Variants in ASPH observed in about 807,000 individuals in gnomAD.
The protein encoded by ASPH is aspartate beta-hydroxylase.
ASPH carries 100 observed loss-of-function variants against 118.4 expected under a neutral mutation model. The observed-to-expected ratio is 0.84, with a 90% CI of 0.72 to 1.00. ASPH has a LOEUF of 1.00. Ranked by LOEUF, ASPH falls within the 50% of genes least tolerant of loss-of-function variation. The pLI is 0.00. For missense variants in ASPH, 920 were observed against 919.5 expected, an observed-to-expected ratio of 1.00 and a Z score of -0.01; for synonymous variants, 315 against 325.6, an observed-to-expected ratio of 0.97 and a Z score of 0.35.
chr8:61,714,386 G>A lies in ASPH; in HGVS notation c.-15C>T. The A allele has an allele frequency of 6.8e-7, 1 of 1,480,652 alleles. No homozygotes were observed. Among genetic ancestry groups the A allele is most frequent in the Non-Finnish European group, 9.0e-7 (1 of 1,112,906 alleles). The allele number at this position is 1,480,652 out of a possible 1,614,324, so 91.7% of individuals were successfully genotyped here. ...CGCTGGGCCATTGCACGGTCCGCGG[G>A]GGCTGGTGAGGGCTGGCGGACCTCC... On this transcript the variant is annotated 5_prime_UTR_variant, in exon 1 of 25. Transcript: ENST00000379454.
At chr8:61,696,704 G>A (rs1834004748) in intron 1 of ASPH, among the ~76,000 whole-genome samples, 1 of 152,048 alleles carries the variant, frequency 6.6e-6, no homozygotes, top group Admixed American at 6.6e-5. Context: ...TGTCCACATG[G>A]GTGGGTGATA....
intron 10 of ASPH, among the ~76,000 whole-genome samples, chr8:61,640,758 A>G (rs1355220789): frequency 1.3e-5 from 2 of 152,242 alleles, no homozygotes; most frequent in East Asian, 3.8e-4. Flanking sequence ...GACACTAAAC[A>G]GTGTATGAAT....
chr8:61,639,637 G>A (rs1482729406), intron 10 of ASPH, among the ~76,000 whole-genome samples: 1 of 152,042 alleles, frequency 6.6e-6, no homozygotes, highest in African/African-American at 2.4e-5. Context: ...TCTCCTTAAG[G>A]GATCTCAGAG....
intron 13 of ASPH, chr8:61,633,152 G>C (rs13248720): frequency 0.14 from 22,273 of 154,594 alleles, 1,643 homozygotes; most frequent in African/African-American, 0.19. Context: ...GAGGGCTCAG[G>C]TAGAGGAAAG....
At chr8:61,597,778 A>G (rs528453208) in intron 14 of ASPH, among the ~76,000 whole-genome samples, 12 of 152,378 alleles carry the variant, frequency 7.9e-5, no homozygotes, top group South Asian at 2.1e-4. Flanking sequence ...TACCAGATCC[A>G]GCAAAGCTAT....
intron 21 of ASPH, among the ~76,000 whole-genome samples, chr8:61,541,138 G>A (rs1396490034): frequency 6.6e-6 from 1 of 151,956 alleles, no homozygotes; most frequent in Non-Finnish European, 1.5e-5. Context: ...TAATGGTTTT[G>A]TATTTTAAAA....
intron 3 of ASPH, chr8:61,658,077 T>C (rs1457530920): frequency 6.6e-6 from 1 of 152,136 alleles, no homozygotes; most frequent in Non-Finnish European, 1.5e-5. Context: ...TATATGAAAT[T>C]TGAGAAATAT....
chr8:61,663,051 A>G, intron 3 of ASPH: 1 of 985,386 alleles, frequency 1.0e-6, no homozygotes, highest in Non-Finnish European at 1.2e-6. Context: ...TAGTGAAGAC[A>G]GCACTTAAAA....
intron 13 of ASPH, among the ~76,000 whole-genome samples, chr8:61,629,720 T>C (rs566835333): frequency 6.6e-6 from 1 of 152,360 alleles, no homozygotes; most frequent in East Asian, 1.9e-4. Context: ...GATGAACTAA[T>C]GCAGATTAAG....
At chr8:61,527,256 A>C (rs1235338840) in intron 21 of ASPH, among the ~76,000 whole-genome samples, 1 of 152,090 alleles carries the variant, frequency 6.6e-6, no homozygotes, top group African/African-American at 2.4e-5. Context: ...TATCATTTGA[A>C]TTGGTCAAGC....
At chr8:61,703,584 T>C (rs1835780815) in intron 1 of ASPH, among the ~76,000 whole-genome samples, 1 of 151,960 alleles carries the variant, frequency 6.6e-6, no homozygotes, top group African/African-American at 2.4e-5. Context: ...AAGAGCTCCA[T>C]AGCAAAATCT....
At chr8:61,571,544 G>C (rs978641861) in intron 16 of ASPH, among the ~76,000 whole-genome samples, 1 of 151,710 alleles carries the variant, frequency 6.6e-6, no homozygotes, top group African/African-American at 2.4e-5. Context: ...ATTTTTATTC[G>C]TATTATTTTA....
intron 3 of ASPH, among the ~76,000 whole-genome samples, chr8:61,654,267 G>T (rs376512702): frequency 1.3e-4 from 20 of 152,286 alleles, no homozygotes; most frequent in African/African-American, 4.8e-4. Flanking sequence ...ATGTTAACAT[G>T]AAACTGATTT....
At chr8:61,577,517 T>A (rs1835740723) in intron 15 of ASPH, among the ~76,000 whole-genome samples, 1 of 151,198 alleles carries the variant, frequency 6.6e-6, no homozygotes, top group South Asian at 2.1e-4. Context: ...TGTTCTCGAA[T>A]ATTGTATTAG....
At chr8:61,683,952 C>T (rs913919893) in intron 2 of ASPH, 87 bp downstream of exon 2, 45 of 1,459,338 alleles carry the variant, frequency 3.1e-5, no homozygotes, top group Non-Finnish European at 4.1e-5. Flanking sequence ...ATTACCAGTA[C>T]CAGAAAGATG....
intron 14 of ASPH, chr8:61,606,326 A>T (rs1381730678): frequency 3.3e-5 from 5 of 152,210 alleles, no homozygotes; most frequent in Non-Finnish European, 7.3e-5. Context: ...ATGCACAAGG[A>T]AGTCAGTGAT....
At chr8:61,564,821 T>A (rs574542740) in intron 17 of ASPH, among the ~76,000 whole-genome samples, 15 of 152,338 alleles carry the variant, frequency 9.8e-5, no homozygotes, top group Non-Finnish European at 2.1e-4. Context: ...TTCATTCTAA[T>A]CCTCGGAAAA....
intron 12 of ASPH, 139 bp downstream of exon 12, chr8:61,637,808 C>A (rs1858524375): frequency 1.4e-6 from 1 of 731,764 alleles, no homozygotes; most frequent in African/African-American, 1.9e-5. Context: ...GAAAAGAGGA[C>A]TCTGTGTTTT....
chr8:61,593,966 A>G (rs977652010), intron 14 of ASPH, among the ~76,000 whole-genome samples: 21 of 152,364 alleles, frequency 1.4e-4, no homozygotes, highest in African/African-American at 5.0e-4. Context: ...CAAACTAACA[A>G]GATGGAGTGA....
Sources: gnomAD v4.1 joint callset for allele counts (sites outside exome capture counted in the v4.1 genomes callset) on GRCh38, gnomAD v4.1.1 for gene constraint, MANE v1.5 for transcripts, NCBI Gene and HGNC (gene_info 2026-07-23, HGNC 2026-07-21) for gene names.